Variants in CCDC6 observed in about 807,000 individuals in gnomAD.
The protein encoded by CCDC6 is coiled-coil domain containing 6.
CCDC6 carries 20 observed loss-of-function variants against 56.6 expected under a neutral mutation model. The observed-to-expected ratio is 0.35, with a 90% confidence interval of 0.25 to 0.51. The LOEUF (loss-of-function observed/expected upper bound fraction) is 0.51, where lower values mean the gene tolerates loss of function less well. Ranked by LOEUF, CCDC6 falls within the 20% of genes least tolerant of loss-of-function variation. The pLI, the probability that CCDC6 is intolerant of heterozygous loss-of-function variation, is 0.95. For synonymous variants in CCDC6, 241 were observed against 234.4 expected (o/e 1.03, Z -0.26); for missense variants, 367 against 601.1 (o/e 0.61, Z 4.07).
intron 1 of CCDC6, among the ~76,000 whole-genome samples, chr10:59,855,436 G>A (rs138969477): frequency 1.9e-4 from 29 of 152,232 alleles, no homozygotes; most frequent in African/African-American, 7.0e-4. Flanking sequence ...GCATGGTGGT[G>A]AGCGCCTGTA....
intron 2 of CCDC6, among the ~76,000 whole-genome samples, chr10:59,845,316 G>A (rs1305746202): frequency 6.9e-6 from 1 of 145,324 alleles, no homozygotes; most frequent in Admixed American, 6.9e-5. Context: ...AGGATAGGAA[G>A]CTTCTGAGCC....
intron 2 of CCDC6, among the ~76,000 whole-genome samples, chr10:59,850,737 T>C (rs1263218812): frequency 6.6e-6 from 1 of 152,182 alleles, no homozygotes; most frequent in East Asian, 1.9e-4. Flanking sequence ...GTTTTAGATA[T>C]AAGAATTATG....
intron 1 of CCDC6, among the ~76,000 whole-genome samples, chr10:59,885,920 C>CCCA: frequency 6.1e-5 from 1 of 16,302 alleles, no homozygotes; most frequent in African/African-American, 1.7e-4. Context: ...ACCCCGCCCC[C>CCCA]CGCCCCCCCA....
intron 1 of CCDC6, among the ~76,000 whole-genome samples, chr10:59,885,677 G>C (rs1002313482): frequency 4.6e-5 from 7 of 151,936 alleles, no homozygotes; most frequent in Non-Finnish European, 7.4e-5. Flanking sequence ...AGGATTTTTT[G>C]CATAGCCTCT....
chr10:59,876,589 G>GAAAA (rs10714988), intron 1 of CCDC6, among the ~76,000 whole-genome samples: 3 of 101,628 alleles, frequency 3.0e-5, no homozygotes, highest in African/African-American at 1.0e-4. Flanking sequence ...TGTTAAGGGG[G>GAAAA]AAAAAAAAAA....
rs568381964 is a variant in CCDC6, at chr10:59,806,957, G to A, written c.969C>T (p.Ser323=). The A allele has an allele frequency of 8.1e-6, 13 of 1,613,924 alleles. No homozygotes were observed. The highest frequency in any genetic ancestry group is 2.2e-5 in the East Asian group (1 of 44,862). The part of the protein sequence containing the change: ...ERREALCRQL[S]ESESSLEMDD... ...CCATTTCTAAGCTGGACTCACTCTC[G>A]GAGAGCTGTCGACAGAGGGCTTCTC... The change falls in exon 6 of 9, where the codon TCC becomes TCT. Residue 323 remains serine (S), a synonymous_variant. Coordinates refer to ENST00000263102, the MANE Select transcript of CCDC6 (RefSeq NM_005436.5).
chr10:59,874,214 G>A (rs2071258617), intron 1 of CCDC6, among the ~76,000 whole-genome samples: 2 of 151,496 alleles, frequency 1.3e-5, no homozygotes, highest in South Asian at 4.2e-4. Flanking sequence ...AATGAGACAG[G>A]ACCTTACACT....
intron 2 of CCDC6, among the ~76,000 whole-genome samples, chr10:59,841,417 A>G (rs948680221): frequency 6.6e-6 from 1 of 152,184 alleles, no homozygotes; most frequent in Non-Finnish European, 1.5e-5. Flanking sequence ...TGATGCTTTC[A>G]TATTTTCACA....
chr10:59,881,027 C>A (rs1186817036), intron 1 of CCDC6, among the ~76,000 whole-genome samples: 2 of 152,002 alleles, frequency 1.3e-5, no homozygotes, highest in African/African-American at 4.8e-5. Flanking sequence ...CCCTGCTGCA[C>A]TCCCTTTATC....
chr10:59,854,430 C>T, intron 1 of CCDC6, among the ~76,000 whole-genome samples: 1 of 152,170 alleles, frequency 6.6e-6, no homozygotes, highest in Non-Finnish European at 1.5e-5. Context: ...ACAGTGGAGG[C>T]TTTGGGAGAA....
intron 2 of CCDC6, among the ~76,000 whole-genome samples, chr10:59,848,536 G>T (rs983234421): frequency 6.6e-5 from 10 of 152,098 alleles, no homozygotes; most frequent in Non-Finnish European, 1.2e-4. Context: ...AAATTAGCTG[G>T]GCATGGTGGT....
At chr10:59,841,846 T>C (rs538308718) in intron 2 of CCDC6, among the ~76,000 whole-genome samples, 23 of 151,356 alleles carry the variant, frequency 1.5e-4, no homozygotes, top group African/African-American at 5.6e-4. Flanking sequence ...TTTTTGTAAT[T>C]TTAGTAGAGA....
intron 1 of CCDC6, among the ~76,000 whole-genome samples, chr10:59,897,235 T>C (rs1250662432): frequency 1.3e-5 from 2 of 152,118 alleles, no homozygotes; most frequent in African/African-American, 4.8e-5. Context: ...AAGTTATCAT[T>C]TGAGTTGGTA....
At chr10:59,839,718 T>C (rs1007085429) in intron 2 of CCDC6, among the ~76,000 whole-genome samples, 1 of 152,262 alleles carries the variant, frequency 6.6e-6, no homozygotes, top group Non-Finnish European at 1.5e-5. Flanking sequence ...CTTCTTCTGC[T>C]AAATGAACTT....
At chr10:59,797,659 TGA>T (rs373439987) in intron 7 of CCDC6, among the ~76,000 whole-genome samples, 79 of 108,700 alleles carry the variant, frequency 7.3e-4, no homozygotes, top group African/African-American at 2.3e-3. Flanking sequence ...CATGAGTGAG[TGA>T]GAGAGAGAGA....
At chr10:59,808,917 T>G (rs1055471518) in intron 5 of CCDC6, among the ~76,000 whole-genome samples, 4 of 152,234 alleles carry the variant, frequency 2.6e-5, no homozygotes, top group African/African-American at 9.6e-5. Flanking sequence ...AATACCAAAA[T>G]TATTAAACAC....
chr10:59,812,723 A>C lies in CCDC6; in HGVS notation c.759T>G (p.Asp253Glu). The C allele has an allele frequency of 6.2e-7, 1 of 1,609,446 alleles. No homozygotes were observed. The highest frequency in any genetic ancestry group is 8.5e-7 in the Non-Finnish European group (1 of 1,175,926). ...PSPRDISMEIDSPENMMRHIR... is the reference protein window; with the variant it reads ...PSPRDISMEIESPENMMRHIR... ...TGTGACGCATCATATTTTCTGGAGAATCAATCTCCATGGAGATATCTCTAG... is the reference window on the plus strand; with the variant it reads ...TGTGACGCATCATATTTTCTGGAGACTCAATCTCCATGGAGATATCTCTAG... The change falls in exon 5 of 9, where the codon GAT becomes GAG. Residue 253 changes from aspartate to glutamate, a missense_variant. Transcript: ENST00000263102.
At chr10:59,828,230 C>CA (rs1362930532) in intron 3 of CCDC6, among the ~76,000 whole-genome samples, 1 of 152,130 alleles carries the variant, frequency 6.6e-6, no homozygotes. Flanking sequence ...GAAAAATCTG[C>CA]AAGTCAGGGT....
chr10:59,862,562 T>TACACAGACAC (rs1360725553), intron 1 of CCDC6, among the ~76,000 whole-genome samples: 1 of 101,942 alleles, frequency 9.8e-6, no homozygotes, highest in Non-Finnish European at 1.9e-5. Flanking sequence ...CACACATATA[T>TACACAGACAC]ATACACATAC....
Sources: gnomAD v4.1 joint callset for allele counts (sites outside exome capture counted in the v4.1 genomes callset) on GRCh38, gnomAD v4.1.1 for gene constraint, MANE v1.5 for transcripts, NCBI Gene and HGNC (gene_info 2026-07-23, HGNC 2026-07-21) for gene names.